ANKS1B: variants seen among roughly 807,000 people sequenced by gnomAD.
ANKS1B encodes ankyrin repeat and sterile alpha motif domain-containing protein 1B.
In ANKS1B, 36 loss-of-function variants were observed where a neutral mutation model predicts 148.3. That is an observed-to-expected ratio of 0.24 (90% CI 0.19 to 0.32). The LOEUF is 0.32. Among genes scored for constraint, ANKS1B ranks in the 10% least tolerant of loss-of-function variants. The probability of loss-of-function intolerance (pLI) is 1.00; values close to 1 mark genes in which losing one functional copy is unlikely to be tolerated. For synonymous variants in ANKS1B, 542 were observed against 560.8 expected, an observed-to-expected ratio of 0.97 and a Z score of 0.47; for missense variants, 1,157 against 1,542.6, an observed-to-expected ratio of 0.75 and a Z score of 4.19.
At chr12:98,946,156 G>A (rs2099845196) in intron 17 of ANKS1B, among the ~76,000 whole-genome samples, 1 of 152,104 alleles carries the variant, frequency 6.6e-6, no homozygotes, top group Non-Finnish European at 1.5e-5. Context: ...AGTTTTTTGG[G>A]GCTTCTAGGT....
chr12:99,454,278 A>G (rs1166586530), intron 10 of ANKS1B, among the ~76,000 whole-genome samples: 1 of 152,232 alleles, frequency 6.6e-6, no homozygotes, highest in Non-Finnish European at 1.5e-5. Context: ...CATTTCTAAA[A>G]TTACTTTCCT....
chr12:99,979,875 T>C (rs2095672675), intron 1 of ANKS1B, among the ~76,000 whole-genome samples: 1 of 152,046 alleles, frequency 6.6e-6, no homozygotes, highest in Admixed American at 6.6e-5. Context: ...CTTTTAAATT[T>C]ATACTAAGTT....
chr12:99,903,460 T>C (rs1475574642), intron 1 of ANKS1B, among the ~76,000 whole-genome samples: 1 of 152,130 alleles, frequency 6.6e-6, no homozygotes, highest in African/African-American at 2.4e-5. Context: ...ATGCCCTCTG[T>C]AATTGGAGGG....
At chr12:98,893,925 C>A (rs754532981) in intron 17 of ANKS1B, among the ~76,000 whole-genome samples, 2 of 152,182 alleles carry the variant, frequency 1.3e-5, no homozygotes, top group Non-Finnish European at 2.9e-5. Context: ...AACACAGGAC[C>A]TTGTTTGGCT....
intron 4 of ANKS1B, among the ~76,000 whole-genome samples, chr12:99,796,097 T>C (rs1197846302): frequency 6.6e-6 from 1 of 152,010 alleles, no homozygotes; most frequent in African/African-American, 2.4e-5. Context: ...GGGGCCATTA[T>C]TAAGTAAAAT....
intron 16 of ANKS1B, among the ~76,000 whole-genome samples, chr12:99,071,290 GA>G (rs1241408803): frequency 2.0e-5 from 3 of 152,198 alleles, no homozygotes; most frequent in Non-Finnish European, 2.9e-5. Context: ...AACTTGAACA[GA>G]AATATCTCAC....
chr12:99,586,223 C>T (rs559268211), intron 9 of ANKS1B, among the ~76,000 whole-genome samples: 53 of 152,296 alleles, frequency 3.5e-4, no homozygotes, highest in Non-Finnish European at 3.8e-4. Flanking sequence ...TTAGAAATTT[C>T]TTCCACCAGA....
At chr12:99,880,969 G>C (rs368626383) in intron 1 of ANKS1B, among the ~76,000 whole-genome samples, 1 of 152,192 alleles carries the variant, frequency 6.6e-6, no homozygotes, top group Non-Finnish European at 1.5e-5. Context: ...TTTTGGGAAG[G>C]ATGGTAAAAC....
chr12:98,980,544 T>A (rs1047979898), intron 17 of ANKS1B, among the ~76,000 whole-genome samples: 4 of 152,206 alleles, frequency 2.6e-5, no homozygotes, highest in African/African-American at 9.6e-5. Context: ...GCTAGTTCCA[T>A]TATCTCTGTC....
intron 17 of ANKS1B, among the ~76,000 whole-genome samples, chr12:98,938,185 G>T (rs1002137176): frequency 6.6e-6 from 1 of 152,158 alleles, no homozygotes; most frequent in Non-Finnish European, 1.5e-5. Flanking sequence ...GATTAGCTAT[G>T]CAAATAGCAA....
chr12:99,612,837 T>G (rs1457550146), intron 9 of ANKS1B, among the ~76,000 whole-genome samples: 3 of 152,088 alleles, frequency 2.0e-5, no homozygotes, highest in African/African-American at 7.2e-5. Context: ...TCTCTAGCCT[T>G]TCTTGAGTAA....
At chr12:99,897,067 A>T (rs1417301477) in intron 1 of ANKS1B, among the ~76,000 whole-genome samples, 1 of 151,308 alleles carries the variant, frequency 6.6e-6, no homozygotes, top group Non-Finnish European at 1.5e-5. Flanking sequence ...AGAGAACTAG[A>T]GAAATTCTGA....
At chr12:98,749,739 T>G (rs2098024667) in intron 26 of ANKS1B, among the ~76,000 whole-genome samples, 1 of 152,042 alleles carries the variant, frequency 6.6e-6, no homozygotes, top group Non-Finnish European at 1.5e-5. Flanking sequence ...TTCTGGGTAC[T>G]TGGGGCAGAG....
intron 14 of ANKS1B, among the ~76,000 whole-genome samples, chr12:99,222,860 G>A (rs1021639909): frequency 2.0e-5 from 3 of 152,144 alleles, no homozygotes; most frequent in African/African-American, 7.2e-5. Context: ...TTCAAAGTCT[G>A]CAGCACTTAC....
intron 8 of ANKS1B, among the ~76,000 whole-genome samples, chr12:99,676,749 CTAAA>C (rs1233085786): frequency 2.6e-5 from 4 of 152,250 alleles, no homozygotes; most frequent in African/African-American, 9.6e-5. Context: ...AACATGATTA[CTAAA>C]TATATCTCCA....
chr12:99,318,014 C>G (rs938706725), intron 12 of ANKS1B, among the ~76,000 whole-genome samples: 2 of 152,162 alleles, frequency 1.3e-5, no homozygotes, highest in African/African-American at 2.4e-5. Flanking sequence ...AGGGATGAAG[C>G]CCACTTGATC....
chr12:99,048,254 G>A (rs1016582451), intron 17 of ANKS1B, among the ~76,000 whole-genome samples: 4 of 152,182 alleles, frequency 2.6e-5, no homozygotes, highest in Non-Finnish European at 5.9e-5. Flanking sequence ...TTTTAAGGTA[G>A]CAATTTCTGG....
intron 1 of ANKS1B, among the ~76,000 whole-genome samples, chr12:99,961,182 T>C (rs2095407527): frequency 6.6e-6 from 1 of 152,050 alleles, no homozygotes; most frequent in African/African-American, 2.4e-5. Flanking sequence ...TGAGCCCAGA[T>C]TGTGCCACTG....
intron 8 of ANKS1B, among the ~76,000 whole-genome samples, chr12:99,759,606 T>C (rs540564015): frequency 6.6e-6 from 1 of 152,100 alleles, no homozygotes; most frequent in African/African-American, 2.4e-5. Context: ...CCTGATTTCC[T>C]TTGGCATTAG....
Sources: allele counts gnomAD v4.1 joint callset (sites outside exome capture counted in the v4.1 genomes callset), GRCh38; gene constraint gnomAD v4.1.1; transcripts MANE v1.5; gene names NCBI Gene and HGNC (gene_info 2026-07-23, HGNC 2026-07-21).